UTP20: variants seen among roughly 807,000 people sequenced by gnomAD.
UTP20 encodes small subunit processome component 20 homolog.
A neutral mutation model predicts 329.5 loss-of-function variants in UTP20; 164 were observed. The observed-to-expected ratio is 0.50, with a 90% CI of 0.44 to 0.57. The LOEUF (loss-of-function observed/expected upper bound fraction) is 0.57. UTP20 is among the 20% of genes least tolerant of loss of function. The pLI is 0.00. For synonymous variants in UTP20, 1,151 were observed against 1,159.3 expected (o/e 0.99, Z 0.14); for missense variants, 3,055 against 3,284.2 (o/e 0.93, Z 1.71).
intron 21 of UTP20, among the ~76,000 whole-genome samples, chr12:101,312,979 T>C (rs1353140808): frequency 6.6e-6 from 1 of 152,210 alleles, no homozygotes. Context: ...TTATTCATTA[T>C]TTTATTGCCT....
chr12:101,311,750 T>A lies in UTP20; in HGVS notation c.2263T>A (p.Phe755Ile), dbSNP rs1392415359. 1.2e-6 allele frequency: 2 copies of A among 1,613,474 alleles called. No individual in the cohort carries two copies. The stretch of plus-strand genomic sequence containing the variant: ...TGCACACGAAATGGAAAATAAGCAA[T>A]TTTGGAAAGTCTACTATGAGCATCT... ...SHAHEMENKQ[F>I]WKVYYEHLEK... The change falls in exon 20 of 62, where the codon TTT becomes ATT. Residue 755 changes from phenylalanine to isoleucine, a missense_variant. Physicochemically the swap from Phe to Ile is conservative, Grantham distance 21. This residue lies in a region of UTP20 where 2,445 missense variants were observed against 2,575.5 expected (regional missense o/e 0.95). Transcript: ENST00000261637.
Position 101,305,209 on chromosome 12 carries a change from G to C in UTP20, c.1782-706G>C, listed in dbSNP as rs552577484. On this transcript the variant is annotated intron_variant, in intron 15 of 61. Transcript: ENST00000261637. Reference sequence around the variant, plus strand: ...GTTTCATGGAGCCTTTCTCCATGACGCTCATCACTGTCATAGTACTTATTT... The same window carrying C: ...GTTTCATGGAGCCTTTCTCCATGACCCTCATCACTGTCATAGTACTTATTT... Among the ~76,000 whole-genome samples the C allele has an allele frequency of 1.4e-4, 21 of 151,920 alleles. No homozygotes were observed. In the East Asian group the frequency reaches 3.3e-3, roughly 24 times the overall value.
At chr12:101,340,106 C>CA (rs148193129) in intron 31 of UTP20, among the ~76,000 whole-genome samples, 2,558 of 152,244 alleles carry the variant, frequency 0.017, 85 homozygotes, top group African/African-American at 0.059. Flanking sequence ...AGGGCAAAAT[C>CA]AGGCTGATGA....
intron 4 of UTP20, 135 bp downstream of exon 4, chr12:101,286,016 G>T: frequency 7.9e-7 from 1 of 1,265,882 alleles, no homozygotes. Context: ...TTTCTGTTAG[G>T]AATAAGTGCA....
intron 5 of UTP20, among the ~76,000 whole-genome samples, chr12:101,287,216 T>C (rs1871989440): frequency 6.6e-6 from 1 of 152,222 alleles, no homozygotes; most frequent in South Asian, 2.1e-4. Context: ...GACTTTGTTT[T>C]ATGCCACCCG....
chr12:101,325,531 A>G (rs1868525492), intron 25 of UTP20, among the ~76,000 whole-genome samples: 1 of 152,254 alleles, frequency 6.6e-6, no homozygotes, highest in Admixed American at 6.5e-5. Flanking sequence ...CTTCATTGCC[A>G]CATACTTGGA....
In UTP20 at chr12:101,311,797, T is replaced by A; in HGVS notation, c.2310T>A (p.Ala770=). 6.2e-7 allele frequency: 1 copy of A among 1,610,910 alleles called. No individual in the cohort carries two copies. The highest frequency in any genetic ancestry group is 8.5e-7 in the Non-Finnish European group (1 of 1,179,246). The change falls in exon 20 of 62, where the codon GCT becomes GCA. Residue 770 remains alanine, a splice_region_variant and synonymous_variant. Transcript: ENST00000261637. ...ATCTAGAAAAAGCAGCTACGCATGC[T>A]GGTATGTAAAGGGGTTGTGAGGAAG... ...YEHLEKAATH[A]EKELQNDMTD...
chr12:101,339,928 T>G lies in UTP20; in HGVS notation c.4014-595T>G, dbSNP rs367914330. Among the ~76,000 whole-genome samples the G allele has an allele frequency of 9.2e-5, 14 of 152,360 alleles. 1 individual carries two copies. The East Asian group carries it at 2.5e-3, about 27-fold the overall frequency. ...AAAATACTATTGTATTTCTAAGTTA[T>G]GCAGAGTGGGAAATCATACTAATAC... On this transcript the variant is annotated intron_variant, in intron 31 of 61. Coordinates refer to ENST00000261637, the MANE Select transcript of UTP20 (RefSeq NM_014503.3).
intron 2 of UTP20, among the ~76,000 whole-genome samples, chr12:101,285,286 T>TA (rs1017357560): frequency 9.9e-5 from 15 of 152,240 alleles, no homozygotes; most frequent in African/African-American, 2.2e-4. Flanking sequence ...CCTAAAATTA[T>TA]AAAAAAACAC....
At chr12:101,319,190 T>C (rs892427127) in intron 22 of UTP20, among the ~76,000 whole-genome samples, 1 of 152,242 alleles carries the variant, frequency 6.6e-6, no homozygotes, top group South Asian at 2.1e-4. Flanking sequence ...ACTACTTTCC[T>C]GTCTGCCACA....
chr12:101,300,909 T>C (rs1379987995), intron 14 of UTP20, among the ~76,000 whole-genome samples: 2 of 152,146 alleles, frequency 1.3e-5, no homozygotes, highest in African/African-American at 4.8e-5. Flanking sequence ...TTGTAGAAAA[T>C]TCTGTTATAC....
chr12:101,320,704 T>C (rs1873122363), intron 23 of UTP20, 148 bp from the exon 24 acceptor site: 1 of 523,082 alleles, frequency 1.9e-6, no homozygotes, highest in Non-Finnish European at 3.2e-6. Context: ...TCCAGGAAAA[T>C]GTGAAGCTGT....
chr12:101,307,311 A>G (rs2137248793), intron 17 of UTP20, among the ~76,000 whole-genome samples: 1 of 151,174 alleles, frequency 6.6e-6, no homozygotes, highest in East Asian at 1.9e-4. Flanking sequence ...ACACACACAC[A>G]CACACACACA....
chr12:101,338,925 A>T lies in UTP20; in HGVS notation c.3981A>T (p.Ala1327=). The change falls in exon 31 of 62, where the codon GCA becomes GCT. Residue 1327 remains alanine, a synonymous_variant. Coordinates refer to ENST00000261637, the MANE Select transcript of UTP20 (RefSeq NM_014503.3). ...AGGTGAAAAAGAAAAAGAATAGAGCACAAGTCAGTAAAGAGCTTGGCATTC... is the reference window on the plus strand; with the variant it reads ...AGGTGAAAAAGAAAAAGAATAGAGCTCAAGTCAGTAAAGAGCTTGGCATTC... ...AEKVKKKKNR[A]QVSKELGILS... is the part of the protein sequence containing the mutation. 1 of 1,608,176 alleles carries T rather than the reference A, an allele frequency of 6.2e-7. No homozygotes were observed. Among genetic ancestry groups the T allele is most frequent in the South Asian group, 1.1e-5 (1 of 89,950 alleles).
intron 25 of UTP20, among the ~76,000 whole-genome samples, chr12:101,323,100 T>G (rs1305409712): frequency 6.6e-6 from 1 of 152,192 alleles, no homozygotes; most frequent in Non-Finnish European, 1.5e-5. Flanking sequence ...TGAGATGATA[T>G]TTTATAAAAC....
intron 45 of UTP20, among the ~76,000 whole-genome samples, chr12:101,365,072 T>TTCTGTGTG: frequency 1.4e-5 from 2 of 142,010 alleles, no homozygotes; most frequent in East Asian, 4.3e-4. Context: ...ATTTTGTTGA[T>TTCTGTGTG]TGTGTGTGTG....
chr12:101,292,337 A>G (rs1339837598), intron 10 of UTP20, among the ~76,000 whole-genome samples: 4 of 152,228 alleles, frequency 2.6e-5, no homozygotes, highest in Admixed American at 2.0e-4. Context: ...CTAAATCTAT[A>G]CATATTCTGC....
intron 28 of UTP20, among the ~76,000 whole-genome samples, 181 bp downstream of exon 28, chr12:101,333,625 G>T (rs1398931699): frequency 4.6e-5 from 7 of 152,128 alleles, no homozygotes; most frequent in Non-Finnish European, 1.0e-4. Flanking sequence ...TAAAACTCAA[G>T]AGTTAGTTTC....
At chr12:101,338,769 TAA>T (rs750560587) in intron 30 of UTP20, 42 bp from the exon 31 acceptor site, 1 of 1,528,426 alleles carries the variant, frequency 6.5e-7, no homozygotes, top group Non-Finnish European at 8.8e-7. Context: ...AATTATGCCT[TAA>T]GAGAGTTTAT....
Sources: allele counts gnomAD v4.1 joint callset (sites outside exome capture counted in the v4.1 genomes callset), GRCh38; gene constraint gnomAD v4.1.1; regional missense constraint gnomAD v4.1.1; transcripts MANE v1.5; gene names NCBI Gene and HGNC (gene_info 2026-07-23, HGNC 2026-07-21).